Variants in STARD13 observed in about 807,000 individuals in gnomAD.
The protein encoded by STARD13 is stAR-related lipid transfer protein 13.
STARD13 carries 62 observed loss-of-function variants against 106.4 expected under a neutral mutation model. The observed-to-expected ratio is 0.58, with a 90% CI of 0.48 to 0.72. STARD13 has a LOEUF of 0.72. Ranked by LOEUF, STARD13 falls within the 30% of genes least tolerant of loss-of-function variation. STARD13 has a pLI of 0.00. For synonymous variants in STARD13, 565 were observed against 553.0 expected, an observed-to-expected ratio of 1.02 and a Z score of -0.31; for missense variants, 1,387 against 1,424.0, an observed-to-expected ratio of 0.97 and a Z score of 0.42.
chr13:33,547,818 GA>G, the STARD13 span, among the ~76,000 whole-genome samples: 2 of 151,976 alleles, frequency 1.3e-5, no homozygotes, highest in African/African-American at 4.8e-5. Flanking sequence ...GAAGATCCAA[GA>G]AAAAATATTT....
intron 4 of STARD13, among the ~76,000 whole-genome samples, chr13:33,137,904 G>A (rs953066000): frequency 6.6e-6 from 1 of 152,096 alleles, no homozygotes; most frequent in South Asian, 2.1e-4. Context: ...GAGATGCGGG[G>A]GTGTGCAAGG....
At chr13:33,124,709 T>G (rs1876888357) in intron 7 of STARD13, among the ~76,000 whole-genome samples, 1 of 105,054 alleles carries the variant, frequency 9.5e-6, no homozygotes, top group African/African-American at 3.0e-5. Flanking sequence ...TAGTAAAACC[T>G]CTAAGATTAA....
chr13:33,614,670 G>T, the STARD13 span, among the ~76,000 whole-genome samples: 29 of 152,238 alleles, frequency 1.9e-4, no homozygotes, highest in African/African-American at 6.8e-4. Flanking sequence ...AAGGAGGCCA[G>T]ACAATCTGAC....
In STARD13 at chr13:33,129,604, T is replaced by C. The variant is rs1877896376; in HGVS notation, c.1073A>G (p.Lys358Arg). 3.7e-6 allele frequency: 6 copies of C among 1,614,082 alleles called. No homozygotes were observed. The highest frequency in any genetic ancestry group is 5.1e-6 in the Non-Finnish European group (6 of 1,180,028). The change falls in exon 5 of 14, where the codon AAG (lysine) becomes AGG (arginine). Residue 358 changes from lysine (K) to arginine (R), a missense_variant. Physicochemically the swap from Lys to Arg is conservative, Grantham distance 26. Coordinates refer to ENST00000336934, the MANE Select transcript of STARD13 (RefSeq NM_178006.4). The part of the protein sequence containing the change: ...LKERKCHEAN[K>R]RGGMYLEDLD... ...GTCCTCCAAGTACATGCCCCCGCGC[T>C]TGTTGGCCTCGTGGCACTTGCGTTC...
At chr13:33,492,151 G>T in the STARD13 span, among the ~76,000 whole-genome samples, 1 of 152,160 alleles carries the variant, frequency 6.6e-6, no homozygotes, top group Admixed American at 6.5e-5. Context: ...GCAGGAACAG[G>T]CCATTTTCAC....
chr13:33,634,546 A>T, the STARD13 span, among the ~76,000 whole-genome samples: 2 of 152,220 alleles, frequency 1.3e-5, no homozygotes, highest in African/African-American at 4.8e-5. Flanking sequence ...TTAGATTTGA[A>T]TAGATACCTC....
At chr13:33,466,880 A>G in the STARD13 span, among the ~76,000 whole-genome samples, 1 of 151,838 alleles carries the variant, frequency 6.6e-6, no homozygotes, top group African/African-American at 2.4e-5. Flanking sequence ...CTTTAAAGCC[A>G]CAAAGAAATT....
At chr13:33,306,540 A>T (rs2138482456) in intron 1 of STARD13, among the ~76,000 whole-genome samples, 1 of 152,372 alleles carries the variant, frequency 6.6e-6, no homozygotes, top group Admixed American at 6.5e-5. Context: ...GTGACCAGAC[A>T]AACTACAGAA....
At chr13:33,191,086 G>A (rs992065641) in intron 1 of STARD13, among the ~76,000 whole-genome samples, 3 of 152,116 alleles carry the variant, frequency 2.0e-5, no homozygotes, top group East Asian at 3.8e-4. Context: ...AATAAGTTAC[G>A]ACATAAACAA....
intron 13 of STARD13, among the ~76,000 whole-genome samples, 160 bp from the exon 14 acceptor site, chr13:33,105,870 G>A (rs1450830462): frequency 6.6e-6 from 1 of 152,270 alleles, no homozygotes; most frequent in Admixed American, 6.5e-5. Flanking sequence ...TCTGCCATCA[G>A]GGGCCTTGAA....
At chr13:33,662,753 C>T in the STARD13 span, among the ~76,000 whole-genome samples, 9 of 152,226 alleles carry the variant, frequency 5.9e-5, no homozygotes, top group South Asian at 2.1e-4. Context: ...AAGGTTAAAA[C>T]GAATTTTTAA....
At chr13:33,384,464 G>A in the STARD13 span, among the ~76,000 whole-genome samples, 19 of 152,108 alleles carry the variant, frequency 1.2e-4, no homozygotes, top group African/African-American at 3.6e-4. Flanking sequence ...CCACTGGCCC[G>A]AGAAAGCAAA....
At chr13:33,311,666 A>T (rs7328762) in intron 1 of STARD13, among the ~76,000 whole-genome samples, 9,700 of 152,328 alleles carry the variant, frequency 0.064, 1,027 homozygotes, top group African/African-American at 0.22. Flanking sequence ...GTCTGAAGTT[A>T]TCCATCTCTC....
the STARD13 span, among the ~76,000 whole-genome samples, chr13:33,613,054 T>C: frequency 6.6e-6 from 1 of 152,252 alleles, no homozygotes; most frequent in African/African-American, 2.4e-5. Context: ...AGAATTATAC[T>C]GAAATGAATG....
chr13:33,578,578 G>C, the STARD13 span, among the ~76,000 whole-genome samples: 24 of 152,046 alleles, frequency 1.6e-4, no homozygotes, highest in African/African-American at 5.8e-4. Flanking sequence ...AACTCCTTTG[G>C]ACCCTGGCCT....
the STARD13 span, among the ~76,000 whole-genome samples, chr13:33,522,030 C>T: frequency 1.5e-3 from 226 of 151,994 alleles, no homozygotes; most frequent in Non-Finnish European, 2.5e-3. Flanking sequence ...CAATAAATAT[C>T]TAATAAATAC....
the STARD13 span, among the ~76,000 whole-genome samples, chr13:33,670,608 G>A: frequency 1.2e-4 from 19 of 152,182 alleles, no homozygotes; most frequent in South Asian, 8.3e-4. Context: ...TGATGCTGTC[G>A]TCACATAAGT....
Position 33,129,701 on chromosome 13 carries a change from A to G in STARD13, c.976T>C (p.Ser326Pro), listed in dbSNP as rs759506036. ...CTGCTCTCGCCACTCGACTTGCCAG[A>G]GCATGGGAGCCCTTTTCTGCAGGCA... ...PPACRKGLPC[S>P]GKSSGESSPS... The change falls in exon 5 of 14, where the codon TCT becomes CCT. Residue 326 changes from serine (S) to proline (P), a missense_variant. Coordinates refer to ENST00000336934, the MANE Select transcript of STARD13 (RefSeq NM_178006.4). 1.2e-5 allele frequency: 20 copies of G among 1,614,082 alleles called. No homozygotes were observed. The highest frequency in any genetic ancestry group is 1.1e-5 in the South Asian group (1 of 91,076).
At chr13:33,499,511 C>CTTCTTTTTCT in the STARD13 span, among the ~76,000 whole-genome samples, 2 of 69,146 alleles carry the variant, frequency 2.9e-5, no homozygotes, top group Non-Finnish European at 2.8e-5. Context: ...TCTTCTTCTT[C>CTTCTTTTTCT]TTCTTTCTTT....
Sources: gnomAD v4.1 joint callset for allele counts (sites outside exome capture counted in the v4.1 genomes callset) on GRCh38, gnomAD v4.1.1 for gene constraint, MANE v1.5 for transcripts, NCBI Gene and HGNC (gene_info 2026-07-23, HGNC 2026-07-21) for gene names.